The following STX8 variants were observed in gnomAD, a reference collection of about 807,000 sequenced individuals.
STX8 encodes syntaxin-8.
In STX8, 23 loss-of-function variants were observed where a neutral mutation model predicts 37.5. The observed-to-expected ratio is 0.61, with a 90% CI of 0.44 to 0.87. STX8 has a LOEUF of 0.87. Ranked by LOEUF, STX8 falls within the 40% of genes least tolerant of loss-of-function variation. The probability of loss-of-function intolerance (pLI) is 0.00; values close to 1 mark genes in which losing one functional copy is unlikely to be tolerated. For synonymous variants in STX8, 115 were observed against 99.1 expected, an observed-to-expected ratio of 1.16 and a Z score of -0.95; for missense variants, 313 against 284.7, an observed-to-expected ratio of 1.10 and a Z score of -0.71.
rs1055541106 is a variant in STX8, at chr17:9,506,798, T to A, written c.324-1636A>T. On this transcript the variant is annotated intron_variant, in intron 4 of 7. Transcript: ENST00000306357. ...GCCCCAGATTAGGAGCATTCCCCAC[T>A]CCCCACCCACTCCATGAGCCAAGTT... Among the ~76,000 whole-genome samples the A allele has an allele frequency of 1.3e-4, 20 of 151,702 alleles. 1 individual carries two copies. The highest frequency in any genetic ancestry group is 4.4e-4 in the African/African-American group (18 of 41,278).
At chr17:9,533,421 C>T (rs973118018) in intron 4 of STX8, among the ~76,000 whole-genome samples, 1 of 152,134 alleles carries the variant, frequency 6.6e-6, no homozygotes, top group African/African-American at 2.4e-5. Context: ...GAGCCAAGAT[C>T]GTGCCACTGC....
At chr17:9,456,953 G>A (rs555929035) in intron 6 of STX8, among the ~76,000 whole-genome samples, 11 of 152,250 alleles carry the variant, frequency 7.2e-5, no homozygotes, top group African/African-American at 2.6e-4. Context: ...CTTAGACACA[G>A]AACTCTGCTA....
intron 7 of STX8, among the ~76,000 whole-genome samples, chr17:9,335,457 C>T (rs1910104477): frequency 1.3e-5 from 2 of 152,164 alleles, no homozygotes; most frequent in Non-Finnish European, 2.9e-5. Flanking sequence ...TCTTAAAGGT[C>T]TCACCTCTTA....
At chr17:9,361,351 A>G (rs934811329) in intron 7 of STX8, among the ~76,000 whole-genome samples, 2 of 152,142 alleles carry the variant, frequency 1.3e-5, no homozygotes, top group African/African-American at 4.8e-5. Context: ...AAATTACCCA[A>G]CCTCTCTTGC....
chr17:9,476,733 G>T (rs1183255774), intron 6 of STX8, among the ~76,000 whole-genome samples: 1 of 152,086 alleles, frequency 6.6e-6, no homozygotes, highest in Non-Finnish European at 1.5e-5. Flanking sequence ...GATTACAGGT[G>T]TGAGCCACCG....
At chr17:9,556,101 C>T (rs1194517422) in intron 3 of STX8, among the ~76,000 whole-genome samples, 1 of 152,014 alleles carries the variant, frequency 6.6e-6, no homozygotes, top group Non-Finnish European at 1.5e-5. Flanking sequence ...TATTTGAAAC[C>T]TTAGTGGATC....
chr17:9,473,314 C>T (rs1011035317), intron 6 of STX8, among the ~76,000 whole-genome samples: 5 of 152,100 alleles, frequency 3.3e-5, no homozygotes, highest in African/African-American at 9.7e-5. Context: ...CCACCGTGCC[C>T]AGCCATGTCT....
At chr17:9,423,123 CT>C (rs1487732913) in intron 6 of STX8, among the ~76,000 whole-genome samples, 1 of 152,174 alleles carries the variant, frequency 6.6e-6, no homozygotes, top group Non-Finnish European at 1.5e-5. Context: ...CTGGGTAACA[CT>C]TTCCCCAGAA....
chr17:9,345,824 A>T (rs952280136), intron 7 of STX8, among the ~76,000 whole-genome samples: 2 of 115,418 alleles, frequency 1.7e-5, no homozygotes, highest in African/African-American at 3.1e-5. Flanking sequence ...GAATATTTGC[A>T]TTATACCTCC....
At chr17:9,558,646 A>T (rs1370673913) in intron 2 of STX8, among the ~76,000 whole-genome samples, 1 of 152,090 alleles carries the variant, frequency 6.6e-6, no homozygotes, top group Non-Finnish European at 1.5e-5. Flanking sequence ...CGACGGTGAA[A>T]CCCCGTCTCT....
chr17:9,327,454 T>G (rs906594038), intron 7 of STX8, among the ~76,000 whole-genome samples: 1 of 152,070 alleles, frequency 6.6e-6, no homozygotes, highest in African/African-American at 2.4e-5. Flanking sequence ...TCTATTTCTA[T>G]GCTTAGGTTG....
intron 6 of STX8, among the ~76,000 whole-genome samples, chr17:9,437,323 A>C (rs1904471583): frequency 6.6e-6 from 1 of 152,200 alleles, no homozygotes; most frequent in Admixed American, 6.5e-5. Context: ...AGGAGCCATT[A>C]ACAAGAGGAT....
chr17:9,428,487 G>A (rs574838168), intron 6 of STX8, among the ~76,000 whole-genome samples: 36 of 152,246 alleles, frequency 2.4e-4, no homozygotes, highest in African/African-American at 7.7e-4. Context: ...TGATCCACCC[G>A]CCTTGGCCTC....
intron 7 of STX8, among the ~76,000 whole-genome samples, chr17:9,270,445 A>AG (rs1271275292): frequency 3.3e-5 from 5 of 151,740 alleles, no homozygotes; most frequent in African/African-American, 1.2e-4. Context: ...TAGTAGAGAC[A>AG]GGGTCTCACC....
intron 5 of STX8, among the ~76,000 whole-genome samples, chr17:9,492,430 A>G (rs1019794625): frequency 5.3e-5 from 8 of 152,240 alleles, no homozygotes; most frequent in African/African-American, 1.9e-4. Context: ...GCTCCCAAGT[A>G]CTATGTAATA....
At chr17:9,360,539 T>C (rs1357754788) in intron 7 of STX8, among the ~76,000 whole-genome samples, 4 of 151,898 alleles carry the variant, frequency 2.6e-5, no homozygotes, top group Admixed American at 2.6e-4. Flanking sequence ...TCTACTATAT[T>C]TACTCACTTT....
At chr17:9,558,564 G>C (rs113386115) in intron 2 of STX8, among the ~76,000 whole-genome samples, 1,864 of 152,312 alleles carry the variant, frequency 0.012, 38 homozygotes, top group African/African-American at 0.042. Flanking sequence ...GGCCGGGCGC[G>C]GTGGCTCACG....
chr17:9,372,618 C>T (rs1175317627), intron 7 of STX8, among the ~76,000 whole-genome samples: 1 of 151,672 alleles, frequency 6.6e-6, no homozygotes, highest in Non-Finnish European at 1.5e-5. Context: ...GCTGGGATTA[C>T]AGGCACGCAC....
At chr17:9,558,780 G>A (rs1003960105) in intron 2 of STX8, among the ~76,000 whole-genome samples, 3 of 150,980 alleles carry the variant, frequency 2.0e-5, no homozygotes, top group African/African-American at 7.3e-5. Context: ...CCGAGATCGC[G>A]CCACTGCACT....
Sources: allele counts gnomAD v4.1 joint callset (sites outside exome capture counted in the v4.1 genomes callset), GRCh38; gene constraint gnomAD v4.1.1; transcripts MANE v1.5; gene names NCBI Gene and HGNC (gene_info 2026-07-23, HGNC 2026-07-21).